Variants in LRRC8B observed in about 807,000 individuals in gnomAD.
LRRC8B encodes the protein leucine rich repeat containing 8 VRAC subunit B.
A neutral mutation model predicts 58.8 loss-of-function variants in LRRC8B; 23 were observed. That is an observed-to-expected ratio of 0.39 (90% CI 0.28 to 0.55). The LOEUF (loss-of-function observed/expected upper bound fraction) is 0.55. LRRC8B is among the 20% of genes least tolerant of loss of function. The probability of loss-of-function intolerance (pLI) is 0.62; values close to 1 mark genes in which losing one functional copy is unlikely to be tolerated. For missense variants in LRRC8B, 694 were observed against 936.0 expected, an observed-to-expected ratio of 0.74 and a Z score of 3.37; for synonymous variants, 359 against 374.1, an observed-to-expected ratio of 0.96 and a Z score of 0.47.
chr1:89,565,602 A>C (rs1014729632), intron 1 of LRRC8B, among the ~76,000 whole-genome samples: 1 of 152,168 alleles, frequency 6.6e-6, no homozygotes, highest in Non-Finnish European at 1.5e-5. Flanking sequence ...TTCCATACCC[A>C]CCATGTGTTT....
chr1:89,528,431 CTT>C (rs1195138345), intron 1 of LRRC8B, among the ~76,000 whole-genome samples: 1 of 152,122 alleles, frequency 6.6e-6, no homozygotes, highest in South Asian at 2.1e-4. Context: ...CATTTTGAAA[CTT>C]TTCTCTTTTC....
At chr1:89,579,955 C>T (rs1054483802) in intron 4 of LRRC8B, among the ~76,000 whole-genome samples, 1 of 152,196 alleles carries the variant, frequency 6.6e-6, no homozygotes, top group Admixed American at 6.5e-5. Flanking sequence ...TTGCAACTCT[C>T]CTGATGGATG....
At chr1:89,554,088 G>A (rs1387696497) in intron 1 of LRRC8B, among the ~76,000 whole-genome samples, 1 of 152,084 alleles carries the variant, frequency 6.6e-6, no homozygotes, top group East Asian at 1.9e-4. Flanking sequence ...GTTAAATCTT[G>A]AAAATTTTTT....
At chr1:89,577,248 C>T (rs1013420192) in intron 3 of LRRC8B, among the ~76,000 whole-genome samples, 2 of 152,084 alleles carry the variant, frequency 1.3e-5, no homozygotes. Context: ...TATTTTTTCA[C>T]TTGTTATTTT....
At chr1:89,564,025 T>C (rs1652862994) in intron 1 of LRRC8B, among the ~76,000 whole-genome samples, 1 of 152,234 alleles carries the variant, frequency 6.6e-6, no homozygotes, top group South Asian at 2.1e-4. Flanking sequence ...AAGAAGGTCA[T>C]ATATGGGTAA....
chr1:89,556,492 G>T (rs750834889), intron 1 of LRRC8B, among the ~76,000 whole-genome samples: 3 of 152,074 alleles, frequency 2.0e-5, no homozygotes, highest in Admixed American at 2.0e-4. Flanking sequence ...TGGATTCCTG[G>T]GACTTGTGAT....
chr1:89,538,709 A>AG (rs1650722079), intron 1 of LRRC8B, among the ~76,000 whole-genome samples: 2 of 148,022 alleles, frequency 1.4e-5, no homozygotes, highest in South Asian at 2.2e-4. Context: ...AGCATCTTCG[A>AG]GGTTTTTTTT....
intron 1 of LRRC8B, among the ~76,000 whole-genome samples, chr1:89,541,710 C>CAAAAAAAAAAAAAAAAAAA (rs61714771): frequency 2.4e-5 from 1 of 42,232 alleles, no homozygotes; most frequent in Non-Finnish European, 4.0e-5. Context: ...GACTCCGTCT[C>CAAAAAAAAAAAAAAAAAAA]AAAAAAAAAA....
intron 1 of LRRC8B, among the ~76,000 whole-genome samples, chr1:89,531,670 A>G (rs950149571): frequency 6.6e-6 from 1 of 152,220 alleles, no homozygotes; most frequent in African/African-American, 2.4e-5. Context: ...GGGGCCTCAG[A>G]GAAAGCCTGG....
chr1:89,556,661 T>G (rs531853532), intron 1 of LRRC8B, among the ~76,000 whole-genome samples: 1 of 152,166 alleles, frequency 6.6e-6, no homozygotes, highest in East Asian at 1.9e-4. Context: ...TCACTCTGCA[T>G]TTACCCTAAA....
In LRRC8B at chr1:89,592,830, G is replaced by A; in HGVS notation, c.2199G>A (p.Gly733=). The change falls in exon 6 of 6, where the codon GGG becomes GGA. Residue 733 remains glycine, a synonymous_variant. Transcript: ENST00000330947. ...AAAAGCTGCAGTGTTTACTTTTGGG[G>A]AAAAATAGCTTGATGAATTTGTCCC... ...QCKKLQCLLL[G]KNSLMNLSPH... is the part of the protein sequence containing the mutation. 2 of 1,614,046 alleles carry A rather than the reference G, an allele frequency of 1.2e-6. No homozygotes were observed. Among genetic ancestry groups the A allele is most frequent in the East Asian group, 2.2e-5 (1 of 44,882 alleles).
intron 1 of LRRC8B, among the ~76,000 whole-genome samples, chr1:89,555,779 A>G (rs977094147): frequency 6.6e-6 from 1 of 152,218 alleles, no homozygotes; most frequent in African/African-American, 2.4e-5. Context: ...TAAGTGAACT[A>G]TCTGGCACTG....
chr1:89,562,410 A>G (rs961403645), intron 1 of LRRC8B, among the ~76,000 whole-genome samples: 2 of 152,186 alleles, frequency 1.3e-5, no homozygotes, highest in Admixed American at 1.3e-4. Flanking sequence ...TCCCATATTC[A>G]GTTACCTTGA....
chr1:89,566,504 C>G (rs562657464), intron 1 of LRRC8B, among the ~76,000 whole-genome samples: 87 of 152,194 alleles, frequency 5.7e-4, no homozygotes, highest in Admixed American at 1.4e-3. Context: ...CCTGCCATAG[C>G]TGTCCTGCCA....
At chr1:89,572,090 A>G (rs987125906) in intron 3 of LRRC8B, among the ~76,000 whole-genome samples, 1 of 152,138 alleles carries the variant, frequency 6.6e-6, no homozygotes, top group African/African-American at 2.4e-5. Context: ...GGGTGTTCCT[A>G]TGCTTATGAA....
At chr1:89,530,932 C>T (rs897362653) in intron 1 of LRRC8B, among the ~76,000 whole-genome samples, 2 of 152,146 alleles carry the variant, frequency 1.3e-5, no homozygotes, top group Admixed American at 6.5e-5. Flanking sequence ...ATCCCTGTAA[C>T]AGCCTTGGAG....
intron 1 of LRRC8B, among the ~76,000 whole-genome samples, chr1:89,567,485 T>C (rs1414438755): frequency 6.6e-6 from 1 of 152,178 alleles, no homozygotes; most frequent in Non-Finnish European, 1.5e-5. Flanking sequence ...ATGAAATGCA[T>C]TAGTAAATAT....
chr1:89,525,212 T>C (rs72957857), intron 1 of LRRC8B, among the ~76,000 whole-genome samples, 190 bp downstream of exon 1: 8,409 of 152,294 alleles, frequency 0.055, 278 homozygotes, highest in African/African-American at 0.086. Flanking sequence ...GGCCGCTTCG[T>C]TGTGCTCCCT....
intron 1 of LRRC8B, among the ~76,000 whole-genome samples, chr1:89,540,867 C>T (rs904728759): frequency 6.6e-6 from 1 of 152,150 alleles, no homozygotes; most frequent in Admixed American, 6.5e-5. Context: ...TATTCTATTT[C>T]CTTTTATCAG....
Sources: gnomAD v4.1 joint callset for allele counts (sites outside exome capture counted in the v4.1 genomes callset) on GRCh38, gnomAD v4.1.1 for gene constraint, MANE v1.5 for transcripts, NCBI Gene and HGNC (gene_info 2026-07-23, HGNC 2026-07-21) for gene names.